Variants in SIRPA observed in about 807,000 individuals in gnomAD.
SIRPA encodes the protein tyrosine-protein phosphatase non-receptor type substrate 1.
SIRPA carries 9 observed loss-of-function variants against 50.3 expected under a neutral mutation model. The observed-to-expected ratio is 0.18, with a 90% CI of 0.11 to 0.31. SIRPA has a LOEUF of 0.31. Among genes scored for constraint, SIRPA ranks in the 10% least tolerant of loss-of-function variants. The pLI, the probability that SIRPA is intolerant of heterozygous loss-of-function variation, is 1.00. For synonymous variants in SIRPA, 265 were observed against 284.1 expected, an observed-to-expected ratio of 0.93 and a Z score of 0.68; for missense variants, 474 against 661.6, an observed-to-expected ratio of 0.72 and a Z score of 3.11.
At chr20:1,919,135 A>G (rs925249037) in intron 2 of SIRPA, among the ~76,000 whole-genome samples, 1 of 152,248 alleles carries the variant, frequency 6.6e-6, no homozygotes, top group Admixed American at 6.5e-5. Context: ...GTGCTCCTCC[A>G]GGCCTCAAGG....
chr20:1,910,534 C>T (rs1011104446), intron 1 of SIRPA, among the ~76,000 whole-genome samples: 1 of 152,122 alleles, frequency 6.6e-6, no homozygotes, highest in Non-Finnish European at 1.5e-5. Flanking sequence ...ATGCGATTGA[C>T]CAATCAACAA....
At chr20:1,897,739 G>A (rs4814712) in intron 1 of SIRPA, among the ~76,000 whole-genome samples, 1 of 151,954 alleles carries the variant, frequency 6.6e-6, no homozygotes. Flanking sequence ...TCACTGTTTT[G>A]GGGGGGTGGG....
chr20:1,896,817 G>T (rs368132413), intron 1 of SIRPA, among the ~76,000 whole-genome samples: 2 of 110,994 alleles, frequency 1.8e-5, no homozygotes, highest in East Asian at 3.2e-4. Context: ...AGTTATAGTT[G>T]CGTCCTTGCT....
At chr20:1,917,691 C>T (rs1985385772) in intron 2 of SIRPA, among the ~76,000 whole-genome samples, 3 of 152,274 alleles carry the variant, frequency 2.0e-5, no homozygotes, top group Non-Finnish European at 4.4e-5. Context: ...GTTGGGCCTC[C>T]TGCAGCCCAG....
Position 1,921,443 on chromosome 20 carries a change from C to T in SIRPA, c.485C>T (p.Pro162Leu), listed in dbSNP as rs1985644043. The T allele has an allele frequency of 3.7e-6, 6 of 1,613,876 alleles. No individual in the cohort carries two copies. Among genetic ancestry groups the T allele is most frequent in the Non-Finnish European group, 5.1e-6 (6 of 1,179,846 alleles). Residue 162 changes from proline (P) to leucine (L), a missense_variant, in exon 3 of 8, where the codon CCT becomes CTT. Coordinates refer to ENST00000358771, the MANE Select transcript of SIRPA (RefSeq NM_001040023.2). ...VVSGPAARATPQHTVSFTCES... is the reference protein window; with the variant it reads ...VVSGPAARATLQHTVSFTCES... ...TCGGGCCCTGCGGCGAGGGCCACAC[C>T]TCAGCACACAGTGAGCTTCACCTGC...
Position 1,912,672 on chromosome 20 carries a change from C to T in SIRPA, c.80-2427C>T, listed in dbSNP as rs530879501. Among the ~76,000 whole-genome samples the T allele has an allele frequency of 5.3e-5, 8 of 152,360 alleles. No individual in the cohort carries two copies. The East Asian group carries it at 7.7e-4, about 15-fold the overall frequency. On this transcript the variant is annotated intron_variant, in intron 1 of 7. Transcript: ENST00000358771. ...AGCACCTATGCAGCAGGCATACCAC[C>T]GTGTCAGGGTCCTCATGACTGTGCT...
chr20:1,924,762 A>G lies in SIRPA; in HGVS notation c.1088-2A>G. 6.2e-7 allele frequency: 1 copy of G among 1,612,600 alleles called. No individual in the cohort carries two copies. Among genetic ancestry groups the G allele is most frequent in the Non-Finnish European group, 8.5e-7 (1 of 1,178,840 alleles). ...GAAGCCTCTATTCCATGTGGTCCCT[A>G]GAGAACACTGGATCTAATGAACGGA... is the stretch of plus-strand genomic sequence containing the variant. On this transcript the variant is annotated splice_acceptor_variant, in intron 4 of 7. Transcript: ENST00000358771. LOFTEE classifies it high-confidence loss of function. This position sits in a 1 kb window ranked among gnomAD's most constrained non-coding sequence, Gnocchi z 4.5.
At chr20:1,935,920 G>A (rs1986550796) in intron 7 of SIRPA, among the ~76,000 whole-genome samples, 1 of 152,206 alleles carries the variant, frequency 6.6e-6, no homozygotes, top group Non-Finnish European at 1.5e-5. Context: ...CAGAGGAGCT[G>A]TGTGCTAAGA....
At chr20:1,925,712 G>A (rs1009024156) in intron 5 of SIRPA, among the ~76,000 whole-genome samples, 1 of 152,142 alleles carries the variant, frequency 6.6e-6, no homozygotes, top group African/African-American at 2.4e-5. Context: ...TGTAAAATGG[G>A]TTTAGCAACG....
intron 4 of SIRPA, among the ~76,000 whole-genome samples, 163 bp downstream of exon 4, chr20:1,922,808 C>G (rs1340044478): frequency 6.6e-6 from 1 of 152,180 alleles, no homozygotes; most frequent in Non-Finnish European, 1.5e-5. Context: ...ATCCCACACT[C>G]CAAGAGTCAC....
intron 1 of SIRPA, among the ~76,000 whole-genome samples, chr20:1,903,029 A>AAAAG (rs1555768871): frequency 2.4e-5 from 2 of 82,042 alleles, no homozygotes; most frequent in African/African-American, 5.8e-5. Context: ...AAAAAAAAAA[A>AAAAG]AAAGAAAAGA....
chr20:1,930,945 G>A (rs114014950), intron 6 of SIRPA, among the ~76,000 whole-genome samples: 2,962 of 152,304 alleles, frequency 0.019, 101 homozygotes, highest in African/African-American at 0.067. Flanking sequence ...TGAGTTTCTG[G>A]AAGAATAGGA....
In SIRPA at chr20:1,934,870, G is replaced by A. The variant is rs920315710; in HGVS notation, c.1266+116G>A. 1 of 1,120,272 alleles carries A rather than the reference G, an allele frequency of 8.9e-7. No individual in the cohort carries two copies. The highest frequency in any genetic ancestry group is 1.4e-6 in the Non-Finnish European group (1 of 736,940). 69.4% of individuals were successfully genotyped at this position (1,120,272 alleles called of 1,614,324 possible). A position where few individuals can be genotyped will look rare whatever the true frequency, so the allele number is the denominator to read the frequency against. Reference sequence around the variant, plus strand: ...GACTCCTTGTGGGGTGGAGGGTGGAGGATCTTACACTCCTAGCTTTCCCCA... The same window carrying A: ...GACTCCTTGTGGGGTGGAGGGTGGAAGATCTTACACTCCTAGCTTTCCCCA... On this transcript the variant is annotated intron_variant, in intron 7 of 7. Coordinates refer to ENST00000358771, the MANE Select transcript of SIRPA (RefSeq NM_001040023.2). This position sits in a 1 kb window ranked among gnomAD's most constrained non-coding sequence, Gnocchi z 4.6.
rs201948513 is a variant in SIRPA at position 1,927,924 on chromosome 20, C to G, written c.1226+25C>G. ...GGTAAGTGCATCATTGGTCCAGACC[C>G]TCTTGCAGTTATTATTTGGTTATTT... is the stretch of plus-strand genomic sequence containing the variant. On this transcript the variant is annotated intron_variant, in intron 6 of 7. Transcript: ENST00000358771. This position sits in a 1 kb window ranked among gnomAD's most constrained non-coding sequence, Gnocchi z 6.5. 5.6e-6 allele frequency: 9 copies of G among 1,606,858 alleles called. No individual in the cohort carries two copies. The Admixed American group carries it at 1.3e-4, about 24-fold the overall frequency.
At position 1,924,425 on chromosome 20, in the gene SIRPA, A is replaced by C. The variant is rs1271681516; in HGVS notation, c.1088-339A>C. Among the ~76,000 whole-genome samples the C allele has an allele frequency of 6.6e-6, 1 of 152,174 alleles. No individual in the cohort carries two copies. The highest frequency in any genetic ancestry group is 1.9e-4 in the East Asian group (1 of 5,186). Reference sequence around the variant, plus strand: ...TTTCCAGTGGATCTGGGGTGCCCTCATGACCGCTCTGTGGTTCACTCCAGA... The same window carrying C: ...TTTCCAGTGGATCTGGGGTGCCCTCCTGACCGCTCTGTGGTTCACTCCAGA... On this transcript the variant is annotated intron_variant, in intron 4 of 7. Coordinates refer to ENST00000358771, the MANE Select transcript of SIRPA (RefSeq NM_001040023.2). This position sits in a 1 kb window ranked among gnomAD's most constrained non-coding sequence, Gnocchi z 4.5.
chr20:1,926,454 C>T (rs1303203185), intron 5 of SIRPA, among the ~76,000 whole-genome samples: 2 of 152,220 alleles, frequency 1.3e-5, no homozygotes, highest in African/African-American at 4.8e-5. Context: ...TTACTGTGGG[C>T]TTAGGTGTTG....
chr20:1,909,270 G>A (rs1984737936), intron 1 of SIRPA, among the ~76,000 whole-genome samples: 1 of 152,230 alleles, frequency 6.6e-6, no homozygotes, highest in Non-Finnish European at 1.5e-5. Flanking sequence ...GGCTTGTGCT[G>A]TGGTGACCCA....
At position 1,895,443 on chromosome 20, in the gene SIRPA, G is replaced by A. The variant is rs1025165674; in HGVS notation, c.-5G>A. The A allele has an allele frequency of 8.6e-6, 12 of 1,402,812 alleles. No individual in the cohort carries two copies. In the East Asian group the frequency reaches 9.1e-5, roughly 11 times the overall value. The allele number at this position is 1,402,812 out of a possible 1,614,324, so 86.9% of individuals were successfully genotyped here. A position where few individuals can be genotyped will look rare whatever the true frequency, so the allele number is the denominator to read the frequency against. ...CTCTCCCTCCTCGCTCCGCAGCCGC[G>A]GCCCATGGAGCCCGCCGGCCCGGCC... is the stretch of plus-strand genomic sequence containing the variant. On this transcript the variant is annotated 5_prime_UTR_variant, in exon 1 of 8. Transcript: ENST00000358771.
chr20:1,900,103 CTTTTTTTTTTT>C (rs11481009), intron 1 of SIRPA, among the ~76,000 whole-genome samples: 1 of 127,192 alleles, frequency 7.9e-6, no homozygotes, highest in Non-Finnish European at 1.6e-5. Flanking sequence ...TTTTTTTTTT[CTTTTTTTTTTT>C]TTTGAGATGG....
Sources: allele counts gnomAD v4.1 joint callset (sites outside exome capture counted in the v4.1 genomes callset), GRCh38; gene constraint gnomAD v4.1.1; non-coding constraint Gnocchi (gnomAD v3.1); transcripts MANE v1.5; gene names NCBI Gene and HGNC (gene_info 2026-07-23, HGNC 2026-07-21).